GABRA5: variants seen among roughly 807,000 people sequenced by gnomAD.
GABRA5 encodes the protein gamma-aminobutyric acid type A receptor subunit alpha5, also known as gamma-aminobutyric acid receptor subunit alpha-5.
Under a neutral mutation model 47.3 loss-of-function variants are expected in GABRA5, and 18 were observed. The observed-to-expected ratio is 0.38, with a 90% confidence interval of 0.26 to 0.56. The LOEUF is 0.56. Ranked by LOEUF, GABRA5 falls within the 20% of genes least tolerant of loss-of-function variation. The pLI is 0.71. For missense variants in GABRA5, 365 were observed against 599.3 expected (o/e 0.61, Z 4.08); for synonymous variants, 237 against 229.3 (o/e 1.03, Z -0.30).
intron 6 of GABRA5, among the ~76,000 whole-genome samples, chr15:26,890,010 A>T (rs2140265070): frequency 6.6e-6 from 1 of 152,304 alleles, no homozygotes; most frequent in African/African-American, 2.4e-5. Context: ...CATTGAAAAC[A>T]TTTCCCATGT....
At chr15:26,886,820 G>C (rs746390054) in intron 6 of GABRA5, among the ~76,000 whole-genome samples, 24 of 152,200 alleles carry the variant, frequency 1.6e-4, no homozygotes, top group Non-Finnish European at 2.9e-4. Flanking sequence ...GGTTGATAAT[G>C]AGTTTTCTTT....
intron 8 of GABRA5, among the ~76,000 whole-genome samples, 166 bp from the exon 9 acceptor site, chr15:26,939,759 A>G (rs910633859): frequency 2.6e-5 from 4 of 152,160 alleles, no homozygotes; most frequent in African/African-American, 9.7e-5. Context: ...AAAATGACCG[A>G]TAACAAATTC....
At chr15:26,899,060 G>T (rs1893266447) in intron 6 of GABRA5, among the ~76,000 whole-genome samples, 1 of 152,038 alleles carries the variant, frequency 6.6e-6, no homozygotes, top group Non-Finnish European at 1.5e-5. Flanking sequence ...ACAGGGTCTT[G>T]CTATATTGCC....
intron 6 of GABRA5, among the ~76,000 whole-genome samples, chr15:26,893,027 TTGTA>T (rs893262747): frequency 2.0e-5 from 3 of 146,510 alleles, no homozygotes; most frequent in South Asian, 2.2e-4. Flanking sequence ...TATGGTGCGT[TTGTA>T]TGTATGGAGT....
intron 7 of GABRA5, among the ~76,000 whole-genome samples, chr15:26,930,355 C>G (rs1253597562): frequency 6.6e-6 from 1 of 152,132 alleles, no homozygotes; most frequent in Admixed American, 6.5e-5. Flanking sequence ...TTTCCCTCTC[C>G]TCCCATTTTA....
intron 6 of GABRA5, among the ~76,000 whole-genome samples, chr15:26,897,973 C>T (rs1566872688): frequency 6.6e-6 from 1 of 152,148 alleles, no homozygotes; most frequent in Non-Finnish European, 1.5e-5. Flanking sequence ...TAAACGACAG[C>T]AAGAACAACC....
intron 6 of GABRA5, among the ~76,000 whole-genome samples, chr15:26,911,494 G>A (rs138534199): frequency 1.8e-4 from 27 of 152,018 alleles, no homozygotes; most frequent in East Asian, 1.2e-3. Context: ...AGTAATTTTC[G>A]GAAGGTGGGC....
rs776194243 is a variant in GABRA5, at chr15:26,934,248, TAA to T, written c.581-2919_581-2918del. Among the ~76,000 whole-genome samples the T allele has an allele frequency of 8.8e-3, 997 of 112,920 alleles. 6 individuals are homozygous for T. The highest frequency in any genetic ancestry group is 0.01 in the Non-Finnish European group (583 of 55,594). 74.1% of individuals were successfully genotyped at this position (112,920 alleles called of 152,430 possible). A position where few individuals can be genotyped will look rare whatever the true frequency, so the allele number is the denominator to read the frequency against. On this transcript the variant is annotated intron_variant, in intron 7 of 10. Coordinates refer to ENST00000335625, the MANE Select transcript of GABRA5 (RefSeq NM_000810.4). ...GCCTGGGTGATAGAAAGAGAATGTT[TAA>T]AAAAAAAAAAAAAAAAAGAAAGAAA...
intron 1 of GABRA5, 69 bp from the exon 2 acceptor site, chr15:26,868,660 A>G (rs1400302079): frequency 6.5e-6 from 1 of 153,450 alleles, no homozygotes; most frequent in Non-Finnish European, 1.4e-5. Context: ...TTGTCACAGT[A>G]TTGTGATCCT....
At position 26,867,201 on chromosome 15, in the gene GABRA5, G is replaced by GGGC. The variant is rs1305475853; in HGVS notation, c.-140+99_-140+101dup. 5 of 149,596 alleles carry GGGC rather than the reference G, an allele frequency of 3.3e-5. No individual in the cohort carries two copies. The highest frequency in any genetic ancestry group is 4.9e-5 in the African/African-American group (2 of 41,052). 9.3% of individuals were successfully genotyped at this position (149,596 alleles called of 1,614,324 possible). On this transcript the variant is annotated intron_variant, in intron 1 of 10. Coordinates refer to ENST00000335625, the MANE Select transcript of GABRA5 (RefSeq NM_000810.4). This position sits in a 1 kb window ranked among gnomAD's most constrained non-coding sequence, Gnocchi z 5.9. The stretch of plus-strand genomic sequence containing the variant: ...GGGCGCGGCGCGGAGCGGAGCTGCA[G>GGGC]GGCGGCGGCGGGAGCGCGGGGCGCA...
chr15:26,937,509 A>G (rs61999613), intron 8 of GABRA5, among the ~76,000 whole-genome samples, 181 bp downstream of exon 8: 95,021 of 151,996 alleles, frequency 0.63, 31,253 homozygotes, highest in African/African-American at 0.84. Context: ...AGCTGGCCAA[A>G]GGAATCCTCC....
At chr15:26,928,647 A>C (rs1894017653) in intron 7 of GABRA5, among the ~76,000 whole-genome samples, 1 of 152,140 alleles carries the variant, frequency 6.6e-6, no homozygotes, top group Admixed American at 6.5e-5. Context: ...GACAATGAGA[A>C]GGCACCCAAG....
intron 7 of GABRA5, among the ~76,000 whole-genome samples, chr15:26,923,354 A>T (rs1188115209): frequency 2.0e-5 from 3 of 152,122 alleles, no homozygotes; most frequent in Non-Finnish European, 4.4e-5. Context: ...ATTACTGAAG[A>T]TATTTCACTG....
At chr15:26,903,544 A>G (rs927211915) in intron 6 of GABRA5, among the ~76,000 whole-genome samples, 8 of 152,078 alleles carry the variant, frequency 5.3e-5, no homozygotes, top group African/African-American at 1.9e-4. Context: ...GCTTTCCACA[A>G]TGGTTGAACT....
intron 6 of GABRA5, among the ~76,000 whole-genome samples, chr15:26,885,820 T>A (rs1209714313): frequency 1.3e-5 from 2 of 152,080 alleles, no homozygotes; most frequent in African/African-American, 4.8e-5. Context: ...TTGGAGGATG[T>A]CTAGGGGTTC....
chr15:26,884,360 A>G (rs1196091935), intron 6 of GABRA5, among the ~76,000 whole-genome samples: 1 of 152,210 alleles, frequency 6.6e-6, no homozygotes, highest in Admixed American at 6.5e-5. Flanking sequence ...AAAATTTTGA[A>G]TTATTCATTG....
chr15:26,924,220 CTGG>C (rs1237449321), intron 7 of GABRA5, among the ~76,000 whole-genome samples: 1 of 147,138 alleles, frequency 6.8e-6, no homozygotes, highest in Admixed American at 6.9e-5. Context: ...CTCGTTACCA[CTGG>C]GTCAGGGTAG....
intron 6 of GABRA5, among the ~76,000 whole-genome samples, chr15:26,895,081 G>A: frequency 6.6e-6 from 1 of 151,792 alleles, no homozygotes; most frequent in East Asian, 2.0e-4. Context: ...ATGTATGGAT[G>A]GCTCCTTTTC....
At chr15:26,912,214 G>A (rs2140292132) in intron 6 of GABRA5, among the ~76,000 whole-genome samples, 1 of 152,264 alleles carries the variant, frequency 6.6e-6, no homozygotes, top group African/African-American at 2.4e-5. Flanking sequence ...TATTGCTATG[G>A]ATCTAATCTT....
Sources: gnomAD v4.1 joint callset for allele counts (sites outside exome capture counted in the v4.1 genomes callset) on GRCh38, gnomAD v4.1.1 for gene constraint, Gnocchi (gnomAD v3.1) non-coding constraint, MANE v1.5 for transcripts, NCBI Gene and HGNC (gene_info 2026-07-23, HGNC 2026-07-21) for gene names.